The following SGK1 variants were observed in gnomAD, a reference collection of about 807,000 sequenced individuals.
SGK1 encodes the protein serine/threonine-protein kinase Sgk1.
Under a neutral mutation model 64.2 loss-of-function variants are expected in SGK1, and 26 were observed. The observed-to-expected ratio is 0.40, with a 90% CI of 0.30 to 0.56. The LOEUF (loss-of-function observed/expected upper bound fraction) is 0.56. Ranked by LOEUF, SGK1 falls within the 20% of genes least tolerant of loss-of-function variation. The probability of loss-of-function intolerance (pLI) is 0.38; values close to 1 mark genes in which losing one functional copy is unlikely to be tolerated. For missense variants in SGK1, 519 were observed against 645.6 expected (o/e 0.80, Z 2.12); for synonymous variants, 265 against 239.7 (o/e 1.11, Z -0.98).
chr6:134,183,528 C>G (rs1370217617), intron 3 of SGK1, among the ~76,000 whole-genome samples: 1 of 152,122 alleles, frequency 6.6e-6, no homozygotes, highest in Non-Finnish European at 1.5e-5. Flanking sequence ...AGGGTGTGGT[C>G]TATATTTTGT....
intron 3 of SGK1, among the ~76,000 whole-genome samples, chr6:134,178,657 G>A (rs2114650702): frequency 6.6e-6 from 1 of 152,346 alleles, no homozygotes; most frequent in African/African-American, 2.4e-5. Context: ...CCTAGAGGGC[G>A]ATCGAGTTCT....
At chr6:134,174,107 G>C (rs1775129296) in intron 4 of SGK1, 27 bp from the exon 5 acceptor site, 1 of 1,577,294 alleles carries the variant, frequency 6.3e-7, no homozygotes, top group Non-Finnish European at 8.7e-7. Flanking sequence ...GCACGATTTA[G>C]AATCCAGCTC....
intron 2 of SGK1, chr6:134,211,304 G>A (rs1190674112): frequency 6.6e-6 from 1 of 151,676 alleles, no homozygotes; most frequent in Non-Finnish European, 1.5e-5. Flanking sequence ...TTTTGTAATT[G>A]TAATACATTT....
At chr6:134,227,691 C>A (rs751211329) in intron 2 of SGK1, among the ~76,000 whole-genome samples, 18 of 152,156 alleles carry the variant, frequency 1.2e-4, no homozygotes, top group Non-Finnish European at 2.9e-5. Flanking sequence ...TTGTCACCAT[C>A]CCCATTTTAC....
intron 3 of SGK1, among the ~76,000 whole-genome samples, chr6:134,192,979 C>T (rs1385491531): frequency 6.6e-6 from 1 of 152,130 alleles, no homozygotes; most frequent in Non-Finnish European, 1.5e-5. Flanking sequence ...TTACTATGTA[C>T]AATTTTAAAG....
intron 2 of SGK1, among the ~76,000 whole-genome samples, chr6:134,221,692 G>A (rs948636527): frequency 2.7e-5 from 4 of 149,536 alleles, no homozygotes; most frequent in African/African-American, 4.9e-5. Flanking sequence ...TCAGTCTCTC[G>A]CCTAGGCTGG....
chr6:134,184,205 A>G (rs777665105), intron 3 of SGK1, among the ~76,000 whole-genome samples: 5 of 151,968 alleles, frequency 3.3e-5, no homozygotes, highest in African/African-American at 4.8e-5. Flanking sequence ...CTCCCAGTAA[A>G]TATCACTTAC....
intron 3 of SGK1, among the ~76,000 whole-genome samples, chr6:134,182,739 T>C (rs2114655418): frequency 1.3e-5 from 2 of 152,344 alleles, no homozygotes; most frequent in South Asian, 4.1e-4. Flanking sequence ...GCGAGGCCTA[T>C]GTGACAGGAA....
intron 2 of SGK1, among the ~76,000 whole-genome samples, chr6:134,227,943 CTTTTTTTTTTTTTTTT>C (rs869082001): frequency 1.4e-5 from 1 of 69,730 alleles, no homozygotes; most frequent in Non-Finnish European, 2.6e-5. Context: ...GGAATTCATT[CTTTTTTTTTTTTTTTT>C]TTTTTTTTTT....
intron 3 of SGK1, among the ~76,000 whole-genome samples, chr6:134,182,905 T>A (rs1385131794): frequency 6.6e-6 from 1 of 152,196 alleles, no homozygotes; most frequent in Non-Finnish European, 1.5e-5. Context: ...GACTGAAGTT[T>A]AGTGTGAAAA....
At chr6:134,228,378 A>G (rs1205989808) in intron 2 of SGK1, among the ~76,000 whole-genome samples, 2 of 152,204 alleles carry the variant, frequency 1.3e-5, no homozygotes, top group Non-Finnish European at 2.9e-5. Flanking sequence ...CCACAAAGCT[A>G]TGGTTAATAT....
chr6:134,193,684 T>C (rs1005121545), intron 3 of SGK1, among the ~76,000 whole-genome samples: 7 of 147,784 alleles, frequency 4.7e-5, no homozygotes, highest in African/African-American at 1.8e-4. Context: ...TCTCACTCAG[T>C]CACCTGGCTG....
intron 2 of SGK1, among the ~76,000 whole-genome samples, chr6:134,245,406 G>C (rs761298338): frequency 2.6e-5 from 4 of 152,220 alleles, no homozygotes; most frequent in African/African-American, 4.8e-5. Context: ...TTACAGTCTA[G>C]ATTAGACAAA....
intron 1 of SGK1, among the ~76,000 whole-genome samples, chr6:134,287,481 G>A (rs2114777072): frequency 6.7e-6 from 1 of 148,932 alleles, no homozygotes; most frequent in East Asian, 2.0e-4. Flanking sequence ...GTAATTTTGA[G>A]TTGTAGGAGT....
chr6:134,192,527 T>C (rs1582700967), intron 3 of SGK1, among the ~76,000 whole-genome samples: 2 of 152,132 alleles, frequency 1.3e-5, no homozygotes, highest in Non-Finnish European at 2.9e-5. Flanking sequence ...CTCTAAAATA[T>C]AGTACTATTC....
At chr6:134,223,024 G>A (rs1482665597) in intron 2 of SGK1, among the ~76,000 whole-genome samples, 5 of 152,146 alleles carry the variant, frequency 3.3e-5, no homozygotes, top group Non-Finnish European at 7.3e-5. Context: ...TATCCACTGG[G>A]TACAGGCAAG....
At chr6:134,177,730 A>T (rs1343724280) in intron 3 of SGK1, 1 of 1,613,734 alleles carries the variant, frequency 6.2e-7, no homozygotes, top group Non-Finnish European at 8.5e-7. Context: ...CAGGTTGGGG[A>T]TTACTTCTGG....
chr6:134,212,135 G>T (rs1775902268), intron 2 of SGK1, among the ~76,000 whole-genome samples: 1 of 151,644 alleles, frequency 6.6e-6, no homozygotes, highest in Non-Finnish European at 1.5e-5. Context: ...CTCACTGCGA[G>T]CTCCGCCTCC....
intron 3 of SGK1, among the ~76,000 whole-genome samples, chr6:134,194,520 C>CTTT (rs71708614): frequency 2.6e-4 from 36 of 138,680 alleles, no homozygotes; most frequent in East Asian, 1.5e-3. Flanking sequence ...AAAAGTTTTT[C>CTTT]TTTTTTTTTT....
Sources: gnomAD v4.1 joint callset for allele counts (sites outside exome capture counted in the v4.1 genomes callset) on GRCh38, gnomAD v4.1.1 for gene constraint, MANE v1.5 for transcripts, NCBI Gene and HGNC (gene_info 2026-07-23, HGNC 2026-07-21) for gene names.